PTPRT: variants seen among roughly 807,000 people sequenced by gnomAD.
PTPRT encodes the protein receptor-type tyrosine-protein phosphatase T.
In PTPRT, 56 loss-of-function variants were observed where a neutral mutation model predicts 176.8. That is an observed-to-expected ratio of 0.32 (90% CI 0.26 to 0.40). The LOEUF is 0.40. Ranked by LOEUF, PTPRT falls within the 10% of genes least tolerant of loss-of-function variation. The pLI, the probability that PTPRT is intolerant of heterozygous loss-of-function variation, is 1.00. For missense variants in PTPRT, 1,540 were observed against 1,908.2 expected (o/e 0.81, Z 3.60); for synonymous variants, 783 against 739.0 (o/e 1.06, Z -0.96).
At position 42,194,244 on chromosome 20, in the gene PTPRT, A is replaced by G. The variant is rs148139802; in HGVS notation, c.2491+4996T>C. Among the ~76,000 whole-genome samples the G allele has an allele frequency of 5.9e-5, 9 of 152,344 alleles. No individual in the cohort carries two copies. In the East Asian group the frequency reaches 1.5e-3, roughly 26 times the overall value. ...GACCGTGCCACATGGCTTACAGCAC[A>G]GGGGTAGGCATGTACTGAGAAAAAG... On this transcript the variant is annotated intron_variant, in intron 16 of 30. Transcript: ENST00000373187.
chr20:42,045,573 C>T, the PTPRT span, among the ~76,000 whole-genome samples: 27 of 151,882 alleles, frequency 1.8e-4, no homozygotes, highest in Admixed American at 5.2e-4. Context: ...ACTCCAAGTC[C>T]GTAGATGTTT....
At chr20:42,277,100 G>T (rs534148649) in intron 13 of PTPRT, among the ~76,000 whole-genome samples, 1 of 152,058 alleles carries the variant, frequency 6.6e-6, no homozygotes, top group Non-Finnish European at 1.5e-5. Context: ...TTAGTCCATC[G>T]CTGCCACCAA....
chr20:42,690,632 G>A (rs1260283118), intron 6 of PTPRT, among the ~76,000 whole-genome samples: 3 of 152,174 alleles, frequency 2.0e-5, no homozygotes, highest in African/African-American at 7.2e-5. Context: ...CAGTACCCCA[G>A]TACTCTATGC....
chr20:42,955,086 C>T (rs1981538777), intron 1 of PTPRT, among the ~76,000 whole-genome samples: 1 of 152,184 alleles, frequency 6.6e-6, no homozygotes, highest in African/African-American at 2.4e-5. Context: ...ACACTCTATC[C>T]CCCTCTTAGT....
intron 9 of PTPRT, among the ~76,000 whole-genome samples, chr20:42,427,747 C>A (rs2059178751): frequency 6.6e-6 from 1 of 152,170 alleles, no homozygotes; most frequent in South Asian, 2.1e-4. Context: ...ACTGAAGATC[C>A]ACAAAAGAAG....
chr20:42,084,554 C>T (rs1983676992), intron 29 of PTPRT, 128 bp downstream of exon 29: 1 of 799,910 alleles, frequency 1.3e-6, no homozygotes. Flanking sequence ...TGCCACTAGC[C>T]TTTGAGGGAT....
intron 16 of PTPRT, among the ~76,000 whole-genome samples, chr20:42,198,008 G>T (rs1156747550): frequency 6.6e-6 from 1 of 152,132 alleles, no homozygotes; most frequent in African/African-American, 2.4e-5. Flanking sequence ...ATATCCCTCA[G>T]TTGGGCCCCA....
chr20:42,032,119 A>G, the PTPRT span, among the ~76,000 whole-genome samples: 9 of 152,216 alleles, frequency 5.9e-5, no homozygotes, highest in African/African-American at 1.9e-4. Context: ...GCCTTTTTTT[A>G]AACTGGAATT....
intron 6 of PTPRT, among the ~76,000 whole-genome samples, chr20:42,680,561 T>C (rs1192800934): frequency 1.3e-5 from 2 of 152,172 alleles, no homozygotes; most frequent in Non-Finnish European, 2.9e-5. Context: ...CCAGGGGTGA[T>C]ATTTTGCAGC....
At chr20:42,256,670 A>G (rs1208812315) in intron 13 of PTPRT, among the ~76,000 whole-genome samples, 1 of 151,444 alleles carries the variant, frequency 6.6e-6, no homozygotes, top group African/African-American at 2.4e-5. Flanking sequence ...ACAGCATTCA[A>G]CCAGGGAAAA....
At chr20:42,303,492 C>G (rs560535873) in intron 12 of PTPRT, among the ~76,000 whole-genome samples, 2 of 152,130 alleles carry the variant, frequency 1.3e-5, no homozygotes, top group Non-Finnish European at 2.9e-5. Context: ...CGGCATGAAA[C>G]GGAGCAGTAA....
chr20:43,094,395 T>C (rs1276943685), intron 1 of PTPRT, among the ~76,000 whole-genome samples: 4 of 137,576 alleles, frequency 2.9e-5, no homozygotes, highest in African/African-American at 1.1e-4. Flanking sequence ...CTCTTTCTTT[T>C]TTTTTTTTTT....
At chr20:42,696,900 C>A (rs1168650143) in intron 6 of PTPRT, among the ~76,000 whole-genome samples, 1 of 152,088 alleles carries the variant, frequency 6.6e-6, no homozygotes, top group Non-Finnish European at 1.5e-5. Context: ...CAGCCAGAAC[C>A]AGCTATCAAG....
At chr20:42,144,851 T>C (rs760498506) in intron 17 of PTPRT, among the ~76,000 whole-genome samples, 1 of 152,182 alleles carries the variant, frequency 6.6e-6, no homozygotes, top group Non-Finnish European at 1.5e-5. Flanking sequence ...CATCTATTCC[T>C]TACTAGGTCT....
intron 6 of PTPRT, among the ~76,000 whole-genome samples, chr20:42,701,459 A>T (rs1337595322): frequency 1.3e-5 from 2 of 152,204 alleles, no homozygotes; most frequent in African/African-American, 4.8e-5. Flanking sequence ...TTCAAATTTC[A>T]GGCTCAGAGA....
At chr20:42,172,700 G>C (rs1457561306) in intron 16 of PTPRT, among the ~76,000 whole-genome samples, 1 of 152,070 alleles carries the variant, frequency 6.6e-6, no homozygotes, top group Non-Finnish European at 1.5e-5. Flanking sequence ...ATCTTATTCA[G>C]ATTTCATTAG....
rs757354228 is a variant in PTPRT at position 42,883,897 on chromosome 20, TACACAC to T, written c.214+1904_214+1909del. ...ACACACATACACCAATACACCCCCATACACACACACACACACACATACCAGTACACA... is the reference window on the plus strand; with the variant it reads ...ACACACATACACCAATACACCCCCATACACACACACACATACCAGTACACA... On this transcript the variant is annotated intron_variant, in intron 2 of 30. Coordinates refer to ENST00000373187, the MANE Select transcript of PTPRT (RefSeq NM_007050.6). 3.3e-4 allele frequency among the ~76,000 whole-genome samples: 38 copies of T among 114,632 alleles called. 2 individuals carry two copies. In the South Asian group the frequency reaches 1.0e-2, roughly 30 times the overall value. The allele number at this position is 114,632 out of a possible 152,430, so 75.2% of individuals were successfully genotyped here. A position where few individuals can be genotyped will look rare whatever the true frequency, so the allele number is the denominator to read the frequency against.
intron 11 of PTPRT, among the ~76,000 whole-genome samples, chr20:42,346,278 C>T (rs1347286825): frequency 2.0e-5 from 3 of 152,158 alleles, no homozygotes; most frequent in Non-Finnish European, 2.9e-5. Flanking sequence ...TGGGGCTCTG[C>T]CCCCAGCCTC....
intron 26 of PTPRT, among the ~76,000 whole-genome samples, chr20:42,100,336 A>G (rs540785184): frequency 1.3e-5 from 2 of 152,252 alleles, no homozygotes; most frequent in Non-Finnish European, 2.9e-5. Flanking sequence ...CAGGGGAAAC[A>G]TTAAAAATTA....
Sources: gnomAD v4.1 joint callset for allele counts (sites outside exome capture counted in the v4.1 genomes callset) on GRCh38, gnomAD v4.1.1 for gene constraint, MANE v1.5 for transcripts, NCBI Gene and HGNC (gene_info 2026-07-23, HGNC 2026-07-21) for gene names.